Variants in ABCB5 observed in about 807,000 individuals in gnomAD.
ABCB5 encodes ATP binding cassette subfamily B member 5.
Under a neutral mutation model 144.2 loss-of-function variants are expected in ABCB5, and 155 were observed. The observed-to-expected ratio is 1.08, with a 90% CI of 0.94 to 1.23. The LOEUF (loss-of-function observed/expected upper bound fraction) is 1.23, where lower values mean the gene tolerates loss of function less well. ABCB5 is among the 50% of genes most tolerant of loss of function. The pLI is 0.00. For synonymous variants in ABCB5, 610 were observed against 528.6 expected (o/e 1.15, Z -2.11); for missense variants, 1,830 against 1,520.8 (o/e 1.20, Z -3.38).
At chr7:20,736,604 T>C (rs1217453077) in intron 23 of ABCB5, among the ~76,000 whole-genome samples, 1 of 152,218 alleles carries the variant, frequency 6.6e-6, no homozygotes, top group African/African-American at 2.4e-5. Flanking sequence ...AGACCAACAG[T>C]GACATGAGAG....
At chr7:20,699,678 G>A in intron 17 of ABCB5, 147 bp from the exon 18 acceptor site, 1 of 524,842 alleles carries the variant, frequency 1.9e-6, no homozygotes, top group Non-Finnish European at 3.3e-6. Flanking sequence ...CTGCACTCCA[G>A]CCTGGGCGAC....
chr7:20,649,735 C>T (rs1180713804), intron 11 of ABCB5, among the ~76,000 whole-genome samples: 1 of 152,126 alleles, frequency 6.6e-6, no homozygotes, highest in Admixed American at 6.5e-5. Flanking sequence ...AGTCAAAATT[C>T]ATATAAAATA....
In ABCB5 at chr7:20,645,969, A is replaced by G. The variant is rs750560679; in HGVS notation, c.812A>G (p.Gln271Arg). 63 of 1,613,488 alleles carry G rather than the reference A, an allele frequency of 3.9e-5. No individual in the cohort carries two copies. The highest frequency in any genetic ancestry group is 5.3e-5 in the Non-Finnish European group (63 of 1,179,684). Residue 271 changes from glutamine to arginine, a missense_variant, in exon 9 of 28, where the codon CAG becomes CGG. Coordinates refer to ENST00000404938, the MANE Select transcript of ABCB5 (RefSeq NM_001163941.2). Reference sequence around the variant, plus strand: ...TGTTCTGTTTTTGTAAGGTATACACAGAATCTCAAAGATGCAAAGGATTTT... The same window carrying G: ...TGTTCTGTTTTTGTAAGGTATACACGGAATCTCAAAGATGCAAAGGATTTT... ...AQEKELQRYT[Q>R]NLKDAKDFGI...
chr7:20,642,393 C>T (rs1784312912), intron 5 of ABCB5, among the ~76,000 whole-genome samples: 1 of 152,174 alleles, frequency 6.6e-6, no homozygotes, highest in Non-Finnish European at 1.5e-5. Context: ...TTTTGGATCC[C>T]AGCTATAATA....
At chr7:20,684,318 T>A (rs1181304236) in intron 15 of ABCB5, among the ~76,000 whole-genome samples, 1 of 152,234 alleles carries the variant, frequency 6.6e-6, no homozygotes. Context: ...ACTGTCATCA[T>A]TATTTTGTCC....
At chr7:20,665,724 A>AAGACAGAT (rs1448395560) in intron 14 of ABCB5, among the ~76,000 whole-genome samples, 2 of 134,504 alleles carry the variant, frequency 1.5e-5, no homozygotes, top group African/African-American at 6.0e-5. Context: ...TAGAGATGGA[A>AAGACAGAT]AGATAGATAG....
chr7:20,721,976 C>T (rs1233619068), intron 20 of ABCB5, among the ~76,000 whole-genome samples: 1 of 152,122 alleles, frequency 6.6e-6, no homozygotes, highest in Non-Finnish European at 1.5e-5. Context: ...GTCAATTATG[C>T]ATGTATGTAA....
intron 24 of ABCB5, among the ~76,000 whole-genome samples, chr7:20,739,742 C>T (rs1400916818): frequency 6.6e-6 from 1 of 151,434 alleles, no homozygotes; most frequent in Non-Finnish European, 1.5e-5. Flanking sequence ...ATAATATATG[C>T]AAAGTAAATA....
intron 5 of ABCB5, among the ~76,000 whole-genome samples, chr7:20,636,611 T>C (rs1420751074): frequency 6.6e-6 from 1 of 151,594 alleles, no homozygotes; most frequent in Non-Finnish European, 1.5e-5. Context: ...ATGGTGAAAC[T>C]CCGTCTCTAT....
chr7:20,723,050 A>G lies in ABCB5; in HGVS notation c.2456A>G (p.Asn819Ser). 6.2e-7 allele frequency: 1 copy of G among 1,614,150 alleles called. No homozygotes were observed. Among genetic ancestry groups the G allele is most frequent in the Non-Finnish European group, 8.5e-7 (1 of 1,180,026 alleles). ...TCCAGGATTGGCGTCTTAACACAAA[A>G]TGCAACTAACATGGGACTTTCAGTT... ...TGSRIGVLTQ[N>S]ATNMGLSVII... is the part of the protein sequence containing the mutation. The change falls in exon 21 of 28, where the codon AAT becomes AGT. Residue 819 changes from asparagine (N) to serine (S), a missense_variant. Coordinates refer to ENST00000404938, the MANE Select transcript of ABCB5 (RefSeq NM_001163941.2).
intron 25 of ABCB5, 85 bp from the exon 26 acceptor site, chr7:20,745,147 A>G (rs1782679428): frequency 7.5e-7 from 1 of 1,336,948 alleles, no homozygotes; most frequent in African/African-American, 1.4e-5. Context: ...TCTTGTTATG[A>G]TTTGTGTGTG....
At chr7:20,702,698 G>A (rs1426779230) in intron 19 of ABCB5, among the ~76,000 whole-genome samples, 2 of 126,266 alleles carry the variant, frequency 1.6e-5, no homozygotes, top group East Asian at 2.2e-4. Context: ...GTCTCGCTCT[G>A]TCGCCCAGGC....
intron 14 of ABCB5, among the ~76,000 whole-genome samples, chr7:20,667,728 C>A (rs28541609): frequency 2.7e-5 from 2 of 72,816 alleles, no homozygotes; most frequent in African/African-American, 9.8e-5. Context: ...TGCCCCTGCC[C>A]CTGCCTCTGC....
At position 20,711,776 on chromosome 7, in the gene ABCB5, TTC is replaced by T. The variant is rs537885442; in HGVS notation, c.2421+6973_2421+6974del. ...GCCCAGCCTGCCTGCCTTTCCTTCT[TTC>T]TCTTTCTTTCTTTCTTTCTTTCTTT... On this transcript the variant is annotated intron_variant, in intron 20 of 27. Transcript: ENST00000404938. Among the ~76,000 whole-genome samples the T allele has an allele frequency of 6.4e-4, 27 of 42,188 alleles. 6 individuals are homozygous for T. Among genetic ancestry groups the T allele is most frequent in the African/African-American group, 1.9e-3 (18 of 9,590 alleles). The allele number at this position is 42,188 out of a possible 152,430, so 27.7% of individuals were successfully genotyped here. A position where few individuals can be genotyped will look rare whatever the true frequency, so the allele number is the denominator to read the frequency against.
At chr7:20,715,558 G>A (rs893112212) in intron 20 of ABCB5, among the ~76,000 whole-genome samples, 9 of 151,698 alleles carry the variant, frequency 5.9e-5, no homozygotes, top group South Asian at 2.1e-4. Flanking sequence ...CCAGGTGCAC[G>A]CCACTGTGCC....
Position 20,756,277 on chromosome 7 carries a change from A to T in ABCB5, c.*653A>T, listed in dbSNP as rs1783084358. ...ACATGAGCCATCCCAAAGATTCATT[A>T]TTCCAAACCTTGGGTTTGGCAGTAT... On this transcript the variant is annotated 3_prime_UTR_variant, in exon 28 of 28. Transcript: ENST00000404938. 6.6e-6 allele frequency: 1 copy of T among 152,414 alleles called. No homozygotes were observed. Among genetic ancestry groups the T allele is most frequent in the African/African-American group, 2.4e-5 (1 of 41,462 alleles). 9.4% of individuals were successfully genotyped at this position (152,414 alleles called of 1,614,324 possible).
chr7:20,691,573 T>C (rs1786230461), intron 16 of ABCB5, among the ~76,000 whole-genome samples: 2 of 151,324 alleles, frequency 1.3e-5, no homozygotes, highest in South Asian at 4.2e-4. Context: ...AGAAAATCTT[T>C]AAATTCATTT....
chr7:20,616,745 T>G (rs1200182435), intron 1 of ABCB5, among the ~76,000 whole-genome samples: 4 of 152,136 alleles, frequency 2.6e-5, no homozygotes, highest in African/African-American at 9.7e-5. Context: ...CTTGACAAGT[T>G]TCAAGTTAAA....
chr7:20,648,129 A>G, intron 11 of ABCB5, 51 bp downstream of exon 11: 1 of 1,099,906 alleles, frequency 9.1e-7, no homozygotes, highest in Admixed American at 2.0e-5. Context: ...ATTATCTTCT[A>G]CTGGCCAAGA....
Sources: gnomAD v4.1 joint callset for allele counts (sites outside exome capture counted in the v4.1 genomes callset) on GRCh38, gnomAD v4.1.1 for gene constraint, MANE v1.5 for transcripts, NCBI Gene and HGNC (gene_info 2026-07-23, HGNC 2026-07-21) for gene names.